The following PEAR1 variants were observed in gnomAD, a reference collection of about 807,000 sequenced individuals.
The protein encoded by PEAR1 is multiple EGF-like domains protein 12.
A neutral mutation model predicts 131.2 loss-of-function variants in PEAR1; 113 were observed. The observed-to-expected ratio is 0.86, with a 90% CI of 0.74 to 1.01. The LOEUF (loss-of-function observed/expected upper bound fraction) is 1.01, where lower values mean the gene tolerates loss of function less well. PEAR1 is among the 50% of genes least tolerant of loss of function. The probability of loss-of-function intolerance (pLI) is 0.00; values close to 1 mark genes in which losing one functional copy is unlikely to be tolerated. For missense variants in PEAR1, 1,408 were observed against 1,391.1 expected (o/e 1.01, Z -0.19); for synonymous variants, 565 against 523.3 (o/e 1.08, Z -1.09).
Position 156,906,332 on chromosome 1 carries a change from T to A in PEAR1, c.364T>A (p.Cys122Ser), listed in dbSNP as rs1406945910. 6.2e-7 allele frequency: 1 copy of A among 1,614,164 alleles called. No homozygotes were observed. Among genetic ancestry groups the A allele is most frequent in the Non-Finnish European group, 8.5e-7 (1 of 1,180,016 alleles). ...GRCVAPNQCQ[C>S]VPGWRGDDCS... ...TTGTGTGGCACCCAATCAGTGCCAA[T>A]GTGTGCCAGGCTGGCGGGGCGACGA... Residue 122 changes from cysteine to serine, a missense_variant, in exon 5 of 23, where the codon TGT (cysteine) becomes AGT (serine). Cys to Ser is a moderately radical substitution (Grantham distance 112). Transcript: ENST00000292357.
At chr1:156,912,407 C>T in intron 16 of PEAR1, 32 bp downstream of exon 16, 1 of 1,607,062 alleles carries the variant, frequency 6.2e-7, no homozygotes, top group Non-Finnish European at 8.5e-7. Context: ...CAGGCCCCTG[C>T]CTCCAACTTA....
chr1:156,905,586 G>A (rs1005193095), intron 4 of PEAR1, among the ~76,000 whole-genome samples, 162 bp downstream of exon 4: 2 of 151,886 alleles, frequency 1.3e-5, no homozygotes, highest in Non-Finnish European at 2.9e-5. Context: ...CCCAGGATGG[G>A]GATCAGCACT....
rs746803761 is a variant in PEAR1 at position 156,910,224 on chromosome 1, T to A, written c.1679-10T>A. The A allele has an allele frequency of 6.2e-7, 1 of 1,609,552 alleles. No individual in the cohort carries two copies. The highest frequency in any genetic ancestry group is 1.7e-5 in the Admixed American group (1 of 59,746). On this transcript the variant is annotated splice_polypyrimidine_tract_variant and intron_variant, in intron 13 of 22. Transcript: ENST00000292357. ...CCCAGCCAGGCACACCCGACTGCTG[T>A]CTCCCACAGGTGCCCGCTGCCACCT... is the stretch of plus-strand genomic sequence containing the variant.
chr1:156,901,841 A>G (rs920211476), intron 1 of PEAR1, among the ~76,000 whole-genome samples: 1 of 140,394 alleles, frequency 7.1e-6, no homozygotes, highest in African/African-American at 2.6e-5. Flanking sequence ...TGGAGTGGGC[A>G]TTGGGCCTGG....
At position 156,908,259 on chromosome 1, in the gene PEAR1, G is replaced by A; in HGVS notation, c.1034G>A (p.Cys345Tyr). 1 of 1,594,284 alleles carries A rather than the reference G, an allele frequency of 6.3e-7. No homozygotes were observed. Among genetic ancestry groups the A allele is most frequent in the Non-Finnish European group, 8.5e-7 (1 of 1,174,938 alleles). The change falls in exon 9 of 23, where the codon TGC (cysteine) becomes TAC (tyrosine). Residue 345 changes from cysteine to tyrosine, a missense_variant. Transcript: ENST00000292357. The surrounding 1 kb of genome is among the most constrained non-coding windows in gnomAD (Gnocchi z 4.2). ...GAACACGGCTTCACTGGGGACCGCTGCACGGATCGCCTCTGCCCCGACGGC... is the reference window on the plus strand; with the variant it reads ...GAACACGGCTTCACTGGGGACCGCTACACGGATCGCCTCTGCCCCGACGGC... ...LCEHGFTGDR[C>Y]TDRLCPDGFY...
At chr1:156,912,445 G>T in intron 16 of PEAR1, 49 bp from the exon 17 acceptor site, 1 of 1,603,978 alleles carries the variant, frequency 6.2e-7, no homozygotes. Flanking sequence ...GGAGACTAGA[G>T]TTTCCTGGCG....
chr1:156,916,263 TG>T lies in PEAR1; in HGVS notation c.*1468del, dbSNP rs1336981633. 6.6e-6 allele frequency: 1 copy of T among 152,252 alleles called. No homozygotes were observed. Among genetic ancestry groups the T allele is most frequent in the Non-Finnish European group, 1.5e-5 (1 of 68,054 alleles). The allele number at this position is 152,252 out of a possible 1,614,324, so 9.4% of individuals were successfully genotyped here. ...TTTTTCCAATAGCATGTGCCCATTT[TG>T]GGTCTCTACATTGCATTTTGGTAAT... On this transcript the variant is annotated 3_prime_UTR_variant, in exon 23 of 23. Coordinates refer to ENST00000292357, the MANE Select transcript of PEAR1 (RefSeq NM_001080471.3).
At chr1:156,895,406 A>AGGAGCCTTG (rs1177745241) in intron 1 of PEAR1, among the ~76,000 whole-genome samples, 3 of 152,202 alleles carry the variant, frequency 2.0e-5, no homozygotes, top group Admixed American at 2.0e-4. Flanking sequence ...CTCTCCTCTG[A>AGGAGCCTTG]GGAGCCTTGG....
intron 19 of PEAR1, 45 bp from the exon 20 acceptor site, chr1:156,913,346 C>T: frequency 1.9e-6 from 3 of 1,605,418 alleles, no homozygotes; most frequent in Non-Finnish European, 2.6e-6. Flanking sequence ...TCTGGAAAGC[C>T]CTGTCCTTGC....
chr1:156,904,569 G>A (rs1650020382), intron 2 of PEAR1, among the ~76,000 whole-genome samples, 179 bp from the exon 3 acceptor site: 1 of 152,152 alleles, frequency 6.6e-6, no homozygotes, highest in Non-Finnish European at 1.5e-5. Context: ...CCAGTTCTGG[G>A]AGAAGCCTCC....
At position 156,910,395 on chromosome 1, in the gene PEAR1, T is replaced by A; in HGVS notation, c.1825+15T>A. On this transcript the variant is annotated intron_variant, in intron 14 of 22. Coordinates refer to ENST00000292357, the MANE Select transcript of PEAR1 (RefSeq NM_001080471.3). ...CTGCCAGAGATGTGAGGCTCCCTAC[T>A]GCCCCTTCCACCTGCCACCAGCAGG... The A allele has an allele frequency of 2.5e-6, 4 of 1,574,826 alleles. No individual in the cohort carries two copies. The highest frequency in any genetic ancestry group is 3.4e-6 in the Non-Finnish European group (4 of 1,159,962).
intron 1 of PEAR1, among the ~76,000 whole-genome samples, chr1:156,901,325 T>C (rs1393740798): frequency 6.6e-6 from 1 of 152,188 alleles, no homozygotes; most frequent in Non-Finnish European, 1.5e-5. Context: ...CTTCAGTCCA[T>C]CTCAAAGTCC....
rs530154746 is a variant in PEAR1, at chr1:156,905,135, G to T, written c.207-189G>T. On this transcript the variant is annotated intron_variant, in intron 3 of 22. Transcript: ENST00000292357. ...TTCTTTTTTTAATAGACAAGGTCTC[G>T]CTCTGTCACCCAGGCTGGAGTGCAG... 9 of 1,175,322 alleles carry T rather than the reference G, an allele frequency of 7.7e-6. No individual in the cohort carries two copies. In the South Asian group the frequency reaches 1.0e-4, roughly 13 times the overall value. 72.8% of individuals were successfully genotyped at this position (1,175,322 alleles called of 1,614,324 possible).
Position 156,913,791 on chromosome 1 carries a change from C to A in PEAR1, c.2713+31C>A, listed in dbSNP as rs749717295. The A allele has an allele frequency of 3.1e-6, 5 of 1,612,334 alleles. No homozygotes were observed. In the Admixed American group the frequency reaches 8.3e-5, roughly 27 times the overall value. ...GGCACAGGGGCAACAAGGGAGGTGG[C>A]TGAGCTGGGGCTGAGGAACCAGTGC... is the stretch of plus-strand genomic sequence containing the variant. On this transcript the variant is annotated intron_variant, in intron 21 of 22. Coordinates refer to ENST00000292357, the MANE Select transcript of PEAR1 (RefSeq NM_001080471.3).
In PEAR1 at chr1:156,906,899, G is replaced by A. The variant is rs780811571; in HGVS notation, c.644+19G>A. ...GGCCCAGGTATGTAATGGGGGGAAC[G>A]ACACTTTAACAAGATCGCAGACACA... On this transcript the variant is annotated intron_variant, in intron 6 of 22. Transcript: ENST00000292357. 3.7e-6 allele frequency: 6 copies of A among 1,610,442 alleles called. No homozygotes were observed. The Admixed American group carries it at 6.7e-5, about 18-fold the overall frequency.
chr1:156,904,826 G>C lies in PEAR1; in HGVS notation c.180G>C (p.Glu60Asp). The C allele has an allele frequency of 6.2e-7, 1 of 1,613,852 alleles. No individual in the cohort carries two copies. Among genetic ancestry groups the C allele is most frequent in the Non-Finnish European group, 8.5e-7 (1 of 1,179,862 alleles). ...LPSEPCERPW[E>D]GPHTCPQPTV... Reference sequence around the variant, plus strand: ...CAGAGCCCTGCGAGCGGCCCTGGGAGGGCCCCCATACTTGCCCCCAGCCCA... The same window carrying C: ...CAGAGCCCTGCGAGCGGCCCTGGGACGGCCCCCATACTTGCCCCCAGCCCA... Residue 60 changes from glutamate (E) to aspartate (D), a missense_variant, in exon 3 of 23, where the codon GAG becomes GAC. By Grantham distance (45) the Glu-to-Asp change is conservative (BLOSUM62 2). Coordinates refer to ENST00000292357, the MANE Select transcript of PEAR1 (RefSeq NM_001080471.3).
At position 156,915,365 on chromosome 1, in the gene PEAR1, C is replaced by T. The variant is rs950257016; in HGVS notation, c.*567C>T. ...CCTTCATAGGTGCCTCTTTGCTCTT[C>T]TGCCAGTATCAAAACTTTTGAAGGC... On this transcript the variant is annotated 3_prime_UTR_variant, in exon 23 of 23. Transcript: ENST00000292357. 6.6e-6 allele frequency: 1 copy of T among 152,300 alleles called. No homozygotes were observed. Among genetic ancestry groups the T allele is most frequent in the Non-Finnish European group, 1.5e-5 (1 of 68,108 alleles). The allele number at this position is 152,300 out of a possible 1,614,324, so 9.4% of individuals were successfully genotyped here.
Position 156,894,323 on chromosome 1 carries a change from C to T in PEAR1, c.-10+486C>T, listed in dbSNP as rs78616846. ...GTCAAGAGGCCTGACCTCTGTGCCT[C>T]AGTTTCTCATTTCTAAAGGAGAATA... On this transcript the variant is annotated intron_variant, in intron 1 of 22. Transcript: ENST00000292357. Among the ~76,000 whole-genome samples the T allele has an allele frequency of 4.8e-3, 737 of 152,332 alleles. 4 individuals carry two copies. The highest frequency in any genetic ancestry group is 0.017 in the African/African-American group (704 of 41,572).
At chr1:156,906,112 C>T (rs1426999126) in intron 4 of PEAR1, among the ~76,000 whole-genome samples, 164 bp from the exon 5 acceptor site, 1 of 152,240 alleles carries the variant, frequency 6.6e-6, no homozygotes, top group Non-Finnish European at 1.5e-5. Flanking sequence ...TTGCTAAGTT[C>T]TCCCCCTGAG....
Sources: gnomAD v4.1 joint callset for allele counts (sites outside exome capture counted in the v4.1 genomes callset) on GRCh38, gnomAD v4.1.1 for gene constraint, Gnocchi (gnomAD v3.1) non-coding constraint, MANE v1.5 for transcripts, NCBI Gene and HGNC (gene_info 2026-07-23, HGNC 2026-07-21) for gene names.